EYS: variants seen among roughly 807,000 people sequenced by gnomAD.
EYS encodes protein eyes shut homolog.
Under a neutral mutation model 282.1 loss-of-function variants are expected in EYS, and 250 were observed. That is an observed-to-expected ratio of 0.89 (90% CI 0.80 to 0.98). The LOEUF (loss-of-function observed/expected upper bound fraction) is 0.98. Among genes scored for constraint, EYS ranks in the 50% least tolerant of loss-of-function variants. EYS has a pLI of 0.00. For missense variants in EYS, 4,016 were observed against 3,709.0 expected (o/e 1.08, Z -2.15); for synonymous variants, 1,355 against 1,282.9 (o/e 1.06, Z -1.20).
chr6:63,999,207 A>G (rs1410979781), intron 33 of EYS, 24 bp from the exon 34 acceptor site: 1 of 1,479,646 alleles, frequency 6.8e-7, no homozygotes. Flanking sequence ...AGAAGAGGCC[A>G]TTATGATATG....
At chr6:63,908,012 G>GTGTATATATATATATATATATA (rs1491193336) in intron 35 of EYS, among the ~76,000 whole-genome samples, 1 of 131,152 alleles carries the variant, frequency 7.6e-6, no homozygotes, top group African/African-American at 2.9e-5. Flanking sequence ...ACACACAAAC[G>GTGTATATATATATATATATATA]TATATATATA....
intron 12 of EYS, among the ~76,000 whole-genome samples, chr6:65,102,745 A>C (rs910160327): frequency 6.6e-6 from 1 of 151,260 alleles, no homozygotes; most frequent in Non-Finnish European, 1.5e-5. Flanking sequence ...ACAGCTTTTC[A>C]GGGAAAACAT....
intron 30 of EYS, among the ~76,000 whole-genome samples, chr6:64,273,837 C>G (rs190760486): frequency 1.5e-4 from 23 of 152,304 alleles, no homozygotes; most frequent in Admixed American, 7.8e-4. Flanking sequence ...TTCCTTCCAA[C>G]TACAACCATG....
chr6:64,342,288 C>T (rs1175720237), intron 29 of EYS, among the ~76,000 whole-genome samples: 1 of 150,928 alleles, frequency 6.6e-6, no homozygotes, highest in African/African-American at 2.4e-5. Context: ...GAAAGAACCA[C>T]CCAAAAATGT....
intron 22 of EYS, among the ~76,000 whole-genome samples, chr6:64,797,147 CAT>C: frequency 6.6e-6 from 1 of 152,058 alleles, no homozygotes; most frequent in Non-Finnish European, 1.5e-5. Context: ...AATGTTGTGA[CAT>C]ATGCTATGCA....
chr6:64,510,884 G>A (rs541829422), intron 26 of EYS, among the ~76,000 whole-genome samples: 35 of 152,100 alleles, frequency 2.3e-4, no homozygotes, highest in African/African-American at 6.5e-4. Flanking sequence ...ACAATTCCAC[G>A]GAGTTGATAG....
chr6:64,449,987 A>C (rs1438560559), intron 26 of EYS, among the ~76,000 whole-genome samples: 1 of 152,168 alleles, frequency 6.6e-6, no homozygotes, highest in Non-Finnish European at 1.5e-5. Context: ...TAATGACAGG[A>C]TCAAATTCAC....
intron 31 of EYS, among the ~76,000 whole-genome samples, chr6:64,224,906 C>G (rs570762890): frequency 1.3e-5 from 2 of 152,052 alleles, no homozygotes; most frequent in African/African-American, 4.8e-5. Flanking sequence ...TGTCTAGTTA[C>G]TATTTCACAA....
intron 2 of EYS, among the ~76,000 whole-genome samples, chr6:65,609,345 A>AT (rs1765913778): frequency 6.6e-6 from 1 of 151,770 alleles, no homozygotes; most frequent in Admixed American, 6.6e-5. Context: ...CCAAAAAAAA[A>AT]AAAAATCTAA....
chr6:63,955,937 T>G (rs1384322326), intron 35 of EYS, among the ~76,000 whole-genome samples: 1 of 150,658 alleles, frequency 6.6e-6, no homozygotes. Context: ...TCATTCTATA[T>G]GACAAATGTT....
At chr6:64,681,769 T>C (rs1327358405) in intron 22 of EYS, among the ~76,000 whole-genome samples, 1 of 152,128 alleles carries the variant, frequency 6.6e-6, no homozygotes, top group Non-Finnish European at 1.5e-5. Context: ...TCAGTCAGAC[T>C]AGGGTCCAAT....
intron 14 of EYS, among the ~76,000 whole-genome samples, chr6:64,962,897 T>A (rs916717719): frequency 3.9e-5 from 6 of 152,200 alleles, no homozygotes; most frequent in Non-Finnish European, 8.8e-5. Context: ...TTCTATAATT[T>A]TGATTAGCTC....
intron 2 of EYS, among the ~76,000 whole-genome samples, chr6:65,550,143 C>CTTTTTT (rs1048251073): frequency 1.0e-3 from 6 of 5,942 alleles, no homozygotes; most frequent in Non-Finnish European, 1.5e-3. Flanking sequence ...TCTACTATAT[C>CTTTTTT]TTTTTTTTTT....
intron 24 of EYS, among the ~76,000 whole-genome samples, chr6:64,617,167 T>C (rs1767299659): frequency 6.6e-6 from 1 of 152,140 alleles, no homozygotes. Flanking sequence ...ATACATTAAG[T>C]CACTTGCACC....
intron 22 of EYS, among the ~76,000 whole-genome samples, chr6:64,778,595 G>T (rs1166441999): frequency 6.6e-6 from 1 of 152,108 alleles, no homozygotes; most frequent in Non-Finnish European, 1.5e-5. Context: ...TTGGTCAAGA[G>T]AATGACAGAT....
chr6:64,899,975 A>G (rs1476127092), intron 18 of EYS, among the ~76,000 whole-genome samples: 1 of 152,190 alleles, frequency 6.6e-6, no homozygotes, highest in African/African-American at 2.4e-5. Flanking sequence ...ACCTGACTTC[A>G]AACTATACTA....
At chr6:64,800,220 A>T (rs1774495669) in intron 22 of EYS, among the ~76,000 whole-genome samples, 1 of 152,066 alleles carries the variant, frequency 6.6e-6, no homozygotes, top group Non-Finnish European at 1.5e-5. Flanking sequence ...TGACCTGTGG[A>T]GATACAGTAA....
intron 33 of EYS, among the ~76,000 whole-genome samples, chr6:64,041,913 T>TAG (rs1269686993): frequency 6.6e-6 from 1 of 152,184 alleles, no homozygotes; most frequent in East Asian, 1.9e-4. Context: ...CAAAGCATTT[T>TAG]AGGTTCTTTT....
intron 12 of EYS, among the ~76,000 whole-genome samples, chr6:65,105,510 G>C (rs1002617323): frequency 6.6e-6 from 1 of 151,718 alleles, no homozygotes; most frequent in Non-Finnish European, 1.5e-5. Context: ...TTTTATTTAA[G>C]TATTTCTTCG....
Sources: gnomAD v4.1 joint callset for allele counts (sites outside exome capture counted in the v4.1 genomes callset) on GRCh38, gnomAD v4.1.1 for gene constraint, MANE v1.5 for transcripts, NCBI Gene and HGNC (gene_info 2026-07-23, HGNC 2026-07-21) for gene names.